Variants in TANC2 observed in about 807,000 individuals in gnomAD.
TANC2 encodes protein TANC2.
In TANC2, 26 loss-of-function variants were observed where a neutral mutation model predicts 210.5. That is an observed-to-expected ratio of 0.12 (90% CI 0.09 to 0.17). TANC2 has a LOEUF of 0.17. TANC2 is among the 10% of genes least tolerant of loss of function. TANC2 has a pLI of 1.00. For missense variants in TANC2, 2,129 were observed against 2,608.9 expected (o/e 0.82, Z 4.01); for synonymous variants, 931 against 967.1 (o/e 0.96, Z 0.69).
At chr17:63,128,849 A>G (rs757111617) in intron 4 of TANC2, among the ~76,000 whole-genome samples, 4 of 152,188 alleles carry the variant, frequency 2.6e-5, no homozygotes, top group Non-Finnish European at 5.9e-5. Flanking sequence ...TCAAAATTTA[A>G]TTGTGAGTGG....
At chr17:63,166,389 A>G (rs551555122) in intron 5 of TANC2, among the ~76,000 whole-genome samples, 13 of 152,306 alleles carry the variant, frequency 8.5e-5, no homozygotes, top group African/African-American at 2.4e-4. Context: ...GTTATGTACG[A>G]TTATTAAATA....
chr17:63,178,060 G>A (rs1027701038), intron 5 of TANC2, among the ~76,000 whole-genome samples: 1 of 152,184 alleles, frequency 6.6e-6, no homozygotes. Flanking sequence ...GGCCAGGTGC[G>A]GTGGCTCACG....
chr17:63,240,874 T>C (rs556872399), intron 8 of TANC2, among the ~76,000 whole-genome samples: 2 of 152,328 alleles, frequency 1.3e-5, no homozygotes, highest in Admixed American at 1.3e-4. Context: ...CATTCTCTTT[T>C]TGTGTTGGCA....
intron 5 of TANC2, among the ~76,000 whole-genome samples, chr17:63,183,849 C>G (rs1012753753): frequency 6.6e-6 from 1 of 152,110 alleles, no homozygotes; most frequent in Non-Finnish European, 1.5e-5. Context: ...AACCCCATCT[C>G]TACGAAAAAT....
At chr17:63,285,998 C>G (rs2044209375) in intron 9 of TANC2, among the ~76,000 whole-genome samples, 1 of 152,152 alleles carries the variant, frequency 6.6e-6, no homozygotes, top group Non-Finnish European at 1.5e-5. Context: ...GGAGCAGCCT[C>G]AGACCTGTTA....
At position 63,421,883 on chromosome 17, in the gene TANC2, G is replaced by A. The variant is rs1291517621; in HGVS notation, c.6153G>A (p.Leu2051=). 1.2e-6 allele frequency: 2 copies of A among 1,613,882 alleles called. No individual in the cohort carries two copies. The highest frequency in any genetic ancestry group is 1.7e-6 in the Non-Finnish European group (2 of 1,179,900). ...ACCAGGACAACCTGTACAGGCAGCT[G>A]TCCCGAGACTCTCGGCAAGGGCAGA... Residue 2051 remains leucine (L), a synonymous_variant, in exon 28 of 28, where the codon CTG becomes CTA. Transcript: ENST00000689528. The surrounding 1 kb of genome is among the most constrained non-coding windows in gnomAD (Gnocchi z 6.9).
intron 4 of TANC2, 36 bp from the exon 5 acceptor site, chr17:63,151,234 G>C (rs1337526889): frequency 3.3e-6 from 3 of 910,568 alleles, no homozygotes; most frequent in Non-Finnish European, 3.9e-6. Flanking sequence ...TGCTCTCTCT[G>C]TCTCTTGCTT....
intron 3 of TANC2, chr17:63,088,846 GAAGGGAATA>G (rs751159690): frequency 5.3e-5 from 8 of 152,168 alleles, no homozygotes; most frequent in Non-Finnish European, 1.2e-4. Context: ...CCATGTCTCT[GAAGGGAATA>G]ACGGTTACCG....
chr17:63,176,817 A>C (rs1598534186), intron 5 of TANC2, among the ~76,000 whole-genome samples: 1 of 151,672 alleles, frequency 6.6e-6, no homozygotes, highest in African/African-American at 2.4e-5. Context: ...AAAAAAAAAA[A>C]AAAAAAAACA....
At chr17:63,352,211 A>G (rs1888042737) in intron 13 of TANC2, among the ~76,000 whole-genome samples, 1 of 152,116 alleles carries the variant, frequency 6.6e-6, no homozygotes, top group Non-Finnish European at 1.5e-5. Flanking sequence ...CAAACATTAT[A>G]TGCTTATCTC....
chr17:63,355,367 A>G, exon 14 of TANC2: 1 of 1,588,456 alleles, frequency 6.3e-7, no homozygotes, highest in Non-Finnish European at 8.5e-7. Context: ...AAGGAGAGAA[A>G]ACCAAATTTC....
chr17:63,303,945 T>C (rs1013613084), intron 9 of TANC2, among the ~76,000 whole-genome samples: 2 of 151,912 alleles, frequency 1.3e-5, no homozygotes, highest in Admixed American at 6.6e-5. Context: ...ATCAGGTCAT[T>C]TATGTTCCTC....
intron 1 of TANC2, among the ~76,000 whole-genome samples, chr17:62,990,144 C>T (rs1056387246): frequency 6.6e-6 from 1 of 151,916 alleles, no homozygotes; most frequent in Non-Finnish European, 1.5e-5. Flanking sequence ...AGCAACTTAG[C>T]GATGATACTA....
chr17:63,186,534 A>G (rs2040991423), intron 5 of TANC2, among the ~76,000 whole-genome samples: 1 of 151,874 alleles, frequency 6.6e-6, no homozygotes, highest in Admixed American at 6.6e-5. Flanking sequence ...TTGTATTTTT[A>G]GTAGAGTCGG....
intron 5 of TANC2, among the ~76,000 whole-genome samples, chr17:63,188,783 T>A (rs7213984): frequency 0.046 from 6,964 of 152,118 alleles, 510 homozygotes; most frequent in African/African-American, 0.15. Context: ...TATACTGAAA[T>A]GTAATTCACA....
At chr17:63,416,532 G>T (rs188694474) in intron 26 of TANC2, among the ~76,000 whole-genome samples, 1 of 152,346 alleles carries the variant, frequency 6.6e-6, no homozygotes, top group Non-Finnish European at 1.5e-5. Flanking sequence ...ATTTGTGTGT[G>T]TAACCTTTAG....
In TANC2 at chr17:63,119,709, A is replaced by G. The variant is rs968896007; in HGVS notation, c.322+20352A>G. Among the ~76,000 whole-genome samples the G allele has an allele frequency of 3.9e-5, 6 of 152,276 alleles. No individual in the cohort carries two copies. In the South Asian group the frequency reaches 1.2e-3, roughly 32 times the overall value. On this transcript the variant is annotated intron_variant, in intron 4 of 27. Transcript: ENST00000689528. ...ATATATCCATTATCTCTGAAACTATAATTTTTATTAACAGTAGCAAAGAGG... is the reference window on the plus strand; with the variant it reads ...ATATATCCATTATCTCTGAAACTATGATTTTTATTAACAGTAGCAAAGAGG...
intron 14 of TANC2, among the ~76,000 whole-genome samples, chr17:63,365,269 A>G (rs1217110742): frequency 1.3e-5 from 2 of 152,216 alleles, no homozygotes; most frequent in African/African-American, 4.8e-5. Flanking sequence ...ATAGCGTTCC[A>G]TCCTGTCAAC....
intron 4 of TANC2, among the ~76,000 whole-genome samples, chr17:63,141,043 C>G (rs564049277): frequency 7.2e-5 from 11 of 151,974 alleles, no homozygotes; most frequent in African/African-American, 2.7e-4. Context: ...AGCCACCATG[C>G]CTGCCCAGGA....
Sources: allele counts gnomAD v4.1 joint callset (sites outside exome capture counted in the v4.1 genomes callset), GRCh38; gene constraint gnomAD v4.1.1; non-coding constraint Gnocchi (gnomAD v3.1); transcripts MANE v1.5; gene names NCBI Gene and HGNC (gene_info 2026-07-23, HGNC 2026-07-21).